SPP2: variants seen among roughly 807,000 people sequenced by gnomAD.
SPP2 encodes the protein secreted phosphoprotein 24.
Under a neutral mutation model 28.8 loss-of-function variants are expected in SPP2, and 34 were observed. The observed-to-expected ratio is 1.18, with a 90% CI of 0.90 to 1.57. The LOEUF is 1.57. SPP2 is among the 40% of genes most tolerant of loss of function. SPP2 has a pLI of 0.00. For synonymous variants in SPP2, 96 were observed against 89.4 expected (o/e 1.07, Z -0.42); for missense variants, 269 against 263.9 (o/e 1.02, Z -0.13).
At chr2:234,067,935 A>G (rs987235281) in intron 6 of SPP2, among the ~76,000 whole-genome samples, 2 of 152,132 alleles carry the variant, frequency 1.3e-5, no homozygotes, top group African/African-American at 4.8e-5. Flanking sequence ...TTTTAAACTA[A>G]AAAATTTAAT....
rs946654614 is a variant in SPP2 at position 234,070,344 on chromosome 2, C to A, written c.*10+321C>A. Among the ~76,000 whole-genome samples, 13 of 152,234 alleles carry A rather than the reference C, an allele frequency of 8.5e-5. No homozygotes were observed. The East Asian group carries it at 2.3e-3, about 27-fold the overall frequency. Reference sequence around the variant, plus strand: ...AGCAACTGCCTTCCCTCCGTCCTTCCTTCCTTGCTAAACTTTTTGACACAA... The same window carrying A: ...AGCAACTGCCTTCCCTCCGTCCTTCATTCCTTGCTAAACTTTTTGACACAA... On this transcript the variant is annotated intron_variant, in intron 7 of 7. Coordinates refer to ENST00000168148, the MANE Select transcript of SPP2 (RefSeq NM_006944.3).
intron 2 of SPP2, among the ~76,000 whole-genome samples, chr2:234,053,481 G>A (rs1275597612): frequency 5.3e-5 from 8 of 151,830 alleles, no homozygotes; most frequent in Admixed American, 1.3e-4. Flanking sequence ...ATCATTGCAC[G>A]GGAGCTTTAA....
chr2:234,055,969 A>G (rs949722255), intron 2 of SPP2: 1 of 152,092 alleles, frequency 6.6e-6, no homozygotes, highest in Non-Finnish European at 1.5e-5. Context: ...TTACATATAT[A>G]TACATGTGCT....
chr2:234,052,956 C>T (rs1693529177), intron 2 of SPP2, among the ~76,000 whole-genome samples: 1 of 152,076 alleles, frequency 6.6e-6, no homozygotes, highest in African/African-American at 2.4e-5. Context: ...TTCTCTCTAC[C>T]CTAGCAGACA....
chr2:234,064,111 C>T (rs1250690137), intron 4 of SPP2, among the ~76,000 whole-genome samples: 3 of 149,814 alleles, frequency 2.0e-5, no homozygotes, highest in Non-Finnish European at 3.0e-5. Flanking sequence ...CTCCTGGCCT[C>T]CCCTCCCCTC....
intron 7 of SPP2, among the ~76,000 whole-genome samples, chr2:234,072,443 G>A (rs562102208): frequency 1.3e-5 from 2 of 152,132 alleles, no homozygotes; most frequent in African/African-American, 4.8e-5. Context: ...GGAGAATAGA[G>A]TTCTCAATGG....
At position 234,072,067 on chromosome 2, in the gene SPP2, A is replaced by G. The variant is rs1002286140; in HGVS notation, c.*10+2044A>G. ...CCCTGCACACAGCCCAGCACACTCA[A>G]TAAATAGCACTCAGTAAATATTTTT... On this transcript the variant is annotated intron_variant, in intron 7 of 7. Transcript: ENST00000168148. Among the ~76,000 whole-genome samples the G allele has an allele frequency of 2.7e-4, 41 of 152,248 alleles. 1 individual carries two copies. Among genetic ancestry groups the G allele is most frequent in the Admixed American group, 2.0e-4 (3 of 15,290 alleles).
At chr2:234,073,105 C>T (rs527356588) in intron 7 of SPP2, among the ~76,000 whole-genome samples, 3 of 152,184 alleles carry the variant, frequency 2.0e-5, no homozygotes, top group Non-Finnish European at 4.4e-5. Context: ...CCAGGCTAGT[C>T]TCAAACTCCT....
chr2:234,050,890 T>C lies in SPP2; in HGVS notation c.85+19T>C, dbSNP rs1693477378. The C allele has an allele frequency of 6.2e-7, 1 of 1,614,084 alleles. No homozygotes were observed. The highest frequency in any genetic ancestry group is 8.5e-7 in the Non-Finnish European group (1 of 1,179,946). On this transcript the variant is annotated intron_variant, in intron 1 of 7. Transcript: ENST00000168148. ...TGCTCAGGTAAGGTATTCACCAACC[T>C]GGCCACCTGCTCTGGATCATGCAGA...
chr2:234,054,799 A>C (rs895686120), intron 2 of SPP2, among the ~76,000 whole-genome samples: 1 of 152,108 alleles, frequency 6.6e-6, no homozygotes, highest in African/African-American at 2.4e-5. Context: ...GAAACTGATC[A>C]TGGTGAGATG....
At chr2:234,070,653 C>T (rs967757482) in intron 7 of SPP2, among the ~76,000 whole-genome samples, 8 of 152,006 alleles carry the variant, frequency 5.3e-5, no homozygotes, top group African/African-American at 1.7e-4. Flanking sequence ...GTAGAGATAG[C>T]GTTTTACCAT....
At chr2:234,065,216 T>C (rs1690961593) in intron 4 of SPP2, among the ~76,000 whole-genome samples, 1 of 152,172 alleles carries the variant, frequency 6.6e-6, no homozygotes, top group Admixed American at 6.5e-5. Flanking sequence ...TTTTTGTCAG[T>C]TCTTGTTGGT....
At chr2:234,068,166 C>A (rs764798826) in intron 6 of SPP2, among the ~76,000 whole-genome samples, 2 of 152,166 alleles carry the variant, frequency 1.3e-5, no homozygotes, top group African/African-American at 2.4e-5. Flanking sequence ...CTTATATAGA[C>A]GAATAAAGCA....
intron 7 of SPP2, among the ~76,000 whole-genome samples, chr2:234,075,040 G>A (rs1368407287): frequency 6.7e-6 from 1 of 150,178 alleles, no homozygotes. Context: ...TAAATAGACC[G>A]TGAAAAGGAC....
intron 6 of SPP2, among the ~76,000 whole-genome samples, chr2:234,069,086 G>C (rs1453971356): frequency 6.6e-6 from 1 of 152,090 alleles, no homozygotes; most frequent in Non-Finnish European, 1.5e-5. Flanking sequence ...TTTACAGGCT[G>C]TTGGACCAAG....
chr2:234,066,678 C>A, intron 5 of SPP2, 91 bp downstream of exon 5: 1 of 951,442 alleles, frequency 1.1e-6, no homozygotes, highest in Non-Finnish European at 1.6e-6. Context: ...ACTAGAAATA[C>A]ATATGTATGT....
chr2:234,065,280 T>C (rs1311097263), intron 4 of SPP2, among the ~76,000 whole-genome samples: 1 of 152,086 alleles, frequency 6.6e-6, no homozygotes, highest in Non-Finnish European at 1.5e-5. Flanking sequence ...TATCTCATTG[T>C]AGTTTTTTTT....
chr2:234,072,553 G>C (rs1219352623), intron 7 of SPP2, among the ~76,000 whole-genome samples: 1 of 152,132 alleles, frequency 6.6e-6, no homozygotes, highest in Non-Finnish European at 1.5e-5. Flanking sequence ...TGAAGAAATT[G>C]ATCACTCAAA....
At chr2:234,067,307 C>A in intron 6 of SPP2, 33 bp downstream of exon 6, 2 of 1,607,710 alleles carry the variant, frequency 1.2e-6, no homozygotes, top group South Asian at 1.1e-5. Flanking sequence ...TGCCACCAGA[C>A]CCTTTTCTGA....
Sources: allele counts gnomAD v4.1 joint callset (sites outside exome capture counted in the v4.1 genomes callset), GRCh38; gene constraint gnomAD v4.1.1; transcripts MANE v1.5; gene names NCBI Gene and HGNC (gene_info 2026-07-23, HGNC 2026-07-21).